The following SPPL3 variants were observed in gnomAD, a reference collection of about 807,000 sequenced individuals.
The protein encoded by SPPL3 is signal peptide peptidase like 3.
Under a neutral mutation model 42.4 loss-of-function variants are expected in SPPL3, and 5 were observed. The ratio of observed to expected loss-of-function variants is 0.12; its 90% CI spans 0.06 to 0.25. The LOEUF is 0.25. SPPL3 is among the 10% of genes least tolerant of loss of function. The pLI is 1.00. For missense variants in SPPL3, 235 were observed against 489.0 expected (o/e 0.48, Z 4.90); for synonymous variants, 195 against 181.8 (o/e 1.07, Z -0.58).
intron 1 of SPPL3, among the ~76,000 whole-genome samples, chr12:120,885,072 C>T (rs1280650612): frequency 1.3e-5 from 2 of 151,994 alleles, no homozygotes; most frequent in East Asian, 3.9e-4. Context: ...CAAAAAAACC[C>T]TTATATTAAT....
At chr12:120,850,749 T>G (rs1872195557) in intron 1 of SPPL3, among the ~76,000 whole-genome samples, 1 of 152,242 alleles carries the variant, frequency 6.6e-6, no homozygotes, top group Admixed American at 6.5e-5. Context: ...ATAGGGCTGG[T>G]TCCCTGTGAG....
intron 1 of SPPL3, among the ~76,000 whole-genome samples, chr12:120,843,937 A>G (rs1345284001): frequency 6.6e-6 from 1 of 152,212 alleles, no homozygotes; most frequent in Non-Finnish European, 1.5e-5. Context: ...CAGTCTGGGC[A>G]ACAGAGCGAG....
chr12:120,874,161 T>C (rs1593005934), intron 1 of SPPL3, among the ~76,000 whole-genome samples: 1 of 151,622 alleles, frequency 6.6e-6, no homozygotes. Flanking sequence ...GTGAAAGAAA[T>C]GGTAAATATG....
chr12:120,892,993 A>AAAG (rs1263728467), intron 1 of SPPL3, among the ~76,000 whole-genome samples: 1 of 151,446 alleles, frequency 6.6e-6, no homozygotes, highest in Non-Finnish European at 1.5e-5. Flanking sequence ...GGAAAAAAAA[A>AAAG]AAAAAAAATA....
chr12:120,766,230 T>C (rs563061314), intron 10 of SPPL3, 33 bp downstream of exon 10: 11 of 1,525,836 alleles, frequency 7.2e-6, no homozygotes, highest in East Asian at 4.9e-5. Flanking sequence ...ATCCAAGTTA[T>C]TGCTTTCACA....
At position 120,898,890 on chromosome 12, in the gene SPPL3, T is replaced by G; in HGVS notation, c.23+4955A>C. On this transcript the variant is annotated intron_variant, in intron 1 of 10. Coordinates refer to ENST00000353487, the MANE Select transcript of SPPL3 (RefSeq NM_139015.5). The stretch of plus-strand genomic sequence containing the variant: ...GGTAACAAAATTCACTTGAAGGAGT[T>G]CAAATAAATTGACTTCCTTTTCCCT... Among the ~76,000 whole-genome samples, 2 of 152,182 alleles carry G rather than the reference T, an allele frequency of 1.3e-5. 1 individual carries two copies. The highest frequency in any genetic ancestry group is 2.9e-5 in the Non-Finnish European group (2 of 68,032).
chr12:120,796,712 TAA>T (rs2136990282), intron 2 of SPPL3, among the ~76,000 whole-genome samples: 1 of 152,312 alleles, frequency 6.6e-6, no homozygotes, highest in East Asian at 1.9e-4. Context: ...CAGTCTAGGG[TAA>T]TTATTCTCTA....
chr12:120,804,991 A>G (rs1870441069), intron 2 of SPPL3, among the ~76,000 whole-genome samples: 2 of 152,214 alleles, frequency 1.3e-5, no homozygotes, highest in Admixed American at 6.5e-5. Flanking sequence ...CACATACTGT[A>G]TGACACCACT....
At chr12:120,816,432 C>A (rs1292928200) in intron 1 of SPPL3, among the ~76,000 whole-genome samples, 1 of 152,164 alleles carries the variant, frequency 6.6e-6, no homozygotes, top group Non-Finnish European at 1.5e-5. Context: ...TATCACATAA[C>A]TAGAAGTTAT....
chr12:120,838,452 C>G (rs1871694639), intron 1 of SPPL3, among the ~76,000 whole-genome samples: 1 of 152,170 alleles, frequency 6.6e-6, no homozygotes, highest in Admixed American at 6.5e-5. Flanking sequence ...AATCAGGGGC[C>G]AAGAAGATTT....
chr12:120,871,130 C>CAAAAAAAAAAAAAAAAAA lies in SPPL3; in HGVS notation c.23+32697_23+32714dup, dbSNP rs71453512. Among the ~76,000 whole-genome samples, 60 of 51,674 alleles carry CAAAAAAAAAAAAAAAAAA rather than the reference C, an allele frequency of 1.2e-3. 2 individuals are homozygous for CAAAAAAAAAAAAAAAAAA. Among genetic ancestry groups the CAAAAAAAAAAAAAAAAAA allele is most frequent in the East Asian group, 5.0e-3 (5 of 996 alleles). 33.9% of individuals were successfully genotyped at this position (51,674 alleles called of 152,430 possible). A position where few individuals can be genotyped will look rare whatever the true frequency, so the allele number is the denominator to read the frequency against. On this transcript the variant is annotated intron_variant, in intron 1 of 10. Transcript: ENST00000353487. ...GGGCGACAGAGTGAGACTCCGTCTC[C>CAAAAAAAAAAAAAAAAAA]AAAAAAAAAAAAAAAAAAAGAAAAA...
intron 1 of SPPL3, among the ~76,000 whole-genome samples, chr12:120,846,790 G>A (rs561811198): frequency 2.0e-5 from 3 of 152,328 alleles, no homozygotes; most frequent in East Asian, 1.9e-4. Flanking sequence ...CATTTATAAA[G>A]TTCTAAACTG....
intron 1 of SPPL3, among the ~76,000 whole-genome samples, chr12:120,855,618 T>C (rs1357129399): frequency 6.6e-6 from 1 of 150,952 alleles, no homozygotes; most frequent in East Asian, 1.9e-4. Context: ...ACCCGGGAGA[T>C]GGTGGTTACA....
At chr12:120,798,214 T>C (rs1187079884) in intron 2 of SPPL3, among the ~76,000 whole-genome samples, 1 of 149,542 alleles carries the variant, frequency 6.7e-6, no homozygotes, top group Non-Finnish European at 1.5e-5. Context: ...ATGTGTTGGC[T>C]TTCCTGGGGG....
intron 1 of SPPL3, among the ~76,000 whole-genome samples, chr12:120,892,410 G>C (rs1442321005): frequency 6.6e-6 from 1 of 152,102 alleles, no homozygotes; most frequent in Non-Finnish European, 1.5e-5. Context: ...TCAGAAAGAA[G>C]GCTCCACAGC....
At chr12:120,884,885 T>C (rs1410160627) in intron 1 of SPPL3, among the ~76,000 whole-genome samples, 1 of 144,940 alleles carries the variant, frequency 6.9e-6, no homozygotes, top group Non-Finnish European at 1.5e-5. Flanking sequence ...ATTCAATAAA[T>C]AGATACTAGA....
intron 1 of SPPL3, among the ~76,000 whole-genome samples, chr12:120,838,434 G>A (rs1592988316): frequency 6.6e-6 from 1 of 152,148 alleles, no homozygotes; most frequent in Admixed American, 6.5e-5. Flanking sequence ...ACACAGCCAA[G>A]GCAGATCAAT....
intron 2 of SPPL3, among the ~76,000 whole-genome samples, chr12:120,806,001 CTT>C (rs397710393): frequency 1.4e-4 from 18 of 132,926 alleles, no homozygotes; most frequent in East Asian, 8.7e-4. Flanking sequence ...TCCCTGCAGG[CTT>C]TTTTTTTTTT....
intron 1 of SPPL3, among the ~76,000 whole-genome samples, chr12:120,817,473 AT>A: frequency 6.6e-6 from 1 of 152,178 alleles, no homozygotes; most frequent in Non-Finnish European, 1.5e-5. Context: ...TAATCACCCA[AT>A]ATTTACAGAT....
Sources: gnomAD v4.1 joint callset for allele counts (sites outside exome capture counted in the v4.1 genomes callset) on GRCh38, gnomAD v4.1.1 for gene constraint, MANE v1.5 for transcripts, NCBI Gene and HGNC (gene_info 2026-07-23, HGNC 2026-07-21) for gene names.